Variants in PCDHGC4 observed in about 807,000 individuals in gnomAD.
PCDHGC4 encodes protocadherin gamma-C4.
Under a neutral mutation model 59.7 loss-of-function variants are expected in PCDHGC4, and 15 were observed. That is an observed-to-expected ratio of 0.25 (90% CI 0.17 to 0.39). The LOEUF is 0.39. PCDHGC4 is among the 10% of genes least tolerant of loss of function. The pLI, the probability that PCDHGC4 is intolerant of heterozygous loss-of-function variation, is 1.00. For synonymous variants in PCDHGC4, 434 were observed against 481.4 expected, an observed-to-expected ratio of 0.90 and a Z score of 1.29; for missense variants, 1,016 against 1,189.5, an observed-to-expected ratio of 0.85 and a Z score of 2.15.
Position 141,491,190 on chromosome 5 carries a change from C to A in PCDHGC4, c.2442+3575C>A, listed in dbSNP as rs759736855. On this transcript the variant is annotated intron_variant, in intron 1 of 3. Transcript: ENST00000306593. The surrounding 1 kb of genome is among the most constrained non-coding windows in gnomAD (Gnocchi z 6.9). ...AGCAGGTGGTGGTCCTGGTGAGGGA[C>A]AATGGTGACCCTTCACTCTCCTCCA... 1 of 1,614,192 alleles carries A rather than the reference C, an allele frequency of 6.2e-7. No homozygotes were observed. The highest frequency in any genetic ancestry group is 1.1e-5 in the South Asian group (1 of 91,082).
Position 141,487,413 on chromosome 5 carries a change from A to G in PCDHGC4, c.2240A>G (p.Asn747Ser), listed in dbSNP as rs1562119204. The G allele has an allele frequency of 1.2e-6, 2 of 1,614,172 alleles. No homozygotes were observed. The highest frequency in any genetic ancestry group is 2.2e-5 in the East Asian group (1 of 44,862). ...AGGAGGGAGGGGCTTCCCCCTTCCA[A>G]TGGGATCCTCCGAATCCAGCTAGGG... ...SRRREGLPPS[N>S]GILRIQLGSD... is the part of the protein sequence containing the mutation. Residue 747 changes from asparagine (N) to serine (S), a missense_variant, in exon 1 of 4, where the codon AAT (asparagine) becomes AGT (serine). Asn to Ser is a conservative substitution (Grantham distance 46). Coordinates refer to ENST00000306593, the MANE Select transcript of PCDHGC4 (RefSeq NM_018928.3). This position sits in a 1 kb window ranked among gnomAD's most constrained non-coding sequence, Gnocchi z 5.0.
Position 141,486,895 on chromosome 5 carries a change from C to T in PCDHGC4, c.1722C>T (p.Ser574=), listed in dbSNP as rs1286004461. ...TCCGTCCTCGGGCCCGGCCTGGTTC[C>T]TTATGTCCCCAAGCACTGCCTCCAT... ...AVLRPRARPG[S]LCPQALPPSV... Residue 574 remains serine (S), a synonymous_variant, in exon 1 of 4, where the codon TCC becomes TCT. Coordinates refer to ENST00000306593, the MANE Select transcript of PCDHGC4 (RefSeq NM_018928.3). This position sits in a 1 kb window ranked among gnomAD's most constrained non-coding sequence, Gnocchi z 5.0. 3 of 1,614,134 alleles carry T rather than the reference C, an allele frequency of 1.9e-6. No homozygotes were observed. The highest frequency in any genetic ancestry group is 3.3e-5 in the Admixed American group (2 of 60,012).
intron 3 of PCDHGC4, among the ~76,000 whole-genome samples, chr5:141,505,981 A>G (rs1285802357): frequency 6.6e-6 from 1 of 151,898 alleles, no homozygotes; most frequent in Non-Finnish European, 1.5e-5. Context: ...CCGAGAGAAC[A>G]CCTCCTCTTT....
In PCDHGC4 at chr5:141,491,272, A is replaced by G. The variant is rs2099710110; in HGVS notation, c.2443-3535A>G. On this transcript the variant is annotated intron_variant, in intron 1 of 3. Transcript: ENST00000306593. The surrounding 1 kb of genome is among the most constrained non-coding windows in gnomAD (Gnocchi z 6.9). The stretch of plus-strand genomic sequence containing the variant: ...GGACCCTGAGGAAATGCCCAAATCC[A>G]GTGACTTCCTCATACACCCTCCTGA... The G allele has an allele frequency of 1.2e-6, 2 of 1,614,084 alleles. No homozygotes were observed. Among genetic ancestry groups the G allele is most frequent in the Non-Finnish European group, 1.7e-6 (2 of 1,179,928 alleles).
intron 3 of PCDHGC4, among the ~76,000 whole-genome samples, chr5:141,508,957 C>T (rs1242113190): frequency 6.6e-6 from 1 of 151,976 alleles, no homozygotes; most frequent in Non-Finnish European, 1.5e-5. Context: ...GAAATGTCAG[C>T]GGAATGAAAG....
intron 2 of PCDHGC4, among the ~76,000 whole-genome samples, chr5:141,497,977 G>A (rs1368982839): frequency 6.6e-6 from 1 of 152,216 alleles, no homozygotes; most frequent in Admixed American, 6.5e-5. Context: ...CTCGATGTGG[G>A]AGGCCCCTGC....
intron 3 of PCDHGC4, among the ~76,000 whole-genome samples, chr5:141,507,777 CT>C (rs1213538221): frequency 6.6e-6 from 1 of 152,220 alleles, no homozygotes; most frequent in Admixed American, 6.5e-5. Context: ...CACACAGGGC[CT>C]GACCCTCGTC....
rs146919978 is a variant in PCDHGC4, at chr5:141,489,268, G to A, written c.2442+1653G>A. 1,443 of 1,553,166 alleles carry A rather than the reference G, an allele frequency of 9.3e-4. 2 individuals are homozygous for A. The highest frequency in any genetic ancestry group is 1.2e-3 in the Non-Finnish European group (1,381 of 1,149,786). On this transcript the variant is annotated intron_variant, in intron 1 of 3. Transcript: ENST00000306593. The surrounding 1 kb of genome is among the most constrained non-coding windows in gnomAD (Gnocchi z 4.5). ...GGGGCCCAAGACACTCCCACAGCTCGCTGGGAAATGGCAAGTGCTGTGCAT... is the reference window on the plus strand; with the variant it reads ...GGGGCCCAAGACACTCCCACAGCTCACTGGGAAATGGCAAGTGCTGTGCAT...
intron 2 of PCDHGC4, among the ~76,000 whole-genome samples, chr5:141,495,270 G>C (rs1428903664): frequency 1.3e-5 from 2 of 152,178 alleles, no homozygotes; most frequent in Non-Finnish European, 2.9e-5. Context: ...GCATTTGACC[G>C]GAGGAGGCGG....
At chr5:141,510,335 AC>A (rs1247622083) in intron 3 of PCDHGC4, among the ~76,000 whole-genome samples, 1 of 149,138 alleles carries the variant, frequency 6.7e-6, no homozygotes, top group African/African-American at 2.5e-5. Context: ...CTTCACCCCC[AC>A]CCCACACACT....
In PCDHGC4 at chr5:141,487,715, C is replaced by T. The variant is rs1209272301; in HGVS notation, c.2442+100C>T. 2.5e-6 allele frequency: 4 copies of T among 1,582,708 alleles called. No individual in the cohort carries two copies. The highest frequency in any genetic ancestry group is 1.8e-5 in the Admixed American group (1 of 54,696). The stretch of plus-strand genomic sequence containing the variant: ...GAGTACTGGCCTCTCAGTAAGTGCC[C>T]ATAGTGATGTCACCATTTTTGTAAG... On this transcript the variant is annotated intron_variant, in intron 1 of 3. Transcript: ENST00000306593. This position sits in a 1 kb window ranked among gnomAD's most constrained non-coding sequence, Gnocchi z 5.0.
At chr5:141,506,962 G>A (rs2099857578) in intron 3 of PCDHGC4, 1 of 152,196 alleles carries the variant, frequency 6.6e-6, no homozygotes, top group Non-Finnish European at 1.5e-5. Context: ...CCTCTCAATA[G>A]CTCTGCAAGG....
chr5:141,505,341 A>T, intron 2 of PCDHGC4, 52 bp from the exon 3 acceptor site: 1 of 1,612,728 alleles, frequency 6.2e-7, no homozygotes, highest in Non-Finnish European at 8.5e-7. Flanking sequence ...CAGGAGGGGC[A>T]TGAGCTGTGC....
In PCDHGC4 at chr5:141,485,974, A is replaced by G. The variant is rs755735500; in HGVS notation, c.801A>G (p.Ser267=). 1.9e-6 allele frequency: 3 copies of G among 1,614,108 alleles called. No homozygotes were observed. The highest frequency in any genetic ancestry group is 1.7e-5 in the Admixed American group (1 of 60,014). The change falls in exon 1 of 4, where the codon TCA becomes TCG. Residue 267 remains serine (S), a synonymous_variant. Coordinates refer to ENST00000306593, the MANE Select transcript of PCDHGC4 (RefSeq NM_018928.3). This position sits in a 1 kb window ranked among gnomAD's most constrained non-coding sequence, Gnocchi z 5.7. ...TGGTGCTCATCCAGCTCAATGCCTC[A>G]GACCCGGACCTGGGTCCCAGTGGTA... ...AGMVLIQLNA[S]DPDLGPSGNV...
intron 2 of PCDHGC4, among the ~76,000 whole-genome samples, chr5:141,504,354 G>C (rs1349256606): frequency 6.6e-6 from 1 of 152,100 alleles, no homozygotes; most frequent in Non-Finnish European, 1.5e-5. Flanking sequence ...TGTGCTAGGT[G>C]CTTCAGTAGG....
intron 2 of PCDHGC4, among the ~76,000 whole-genome samples, chr5:141,502,472 A>G (rs1450967250): frequency 1.3e-5 from 2 of 150,886 alleles, no homozygotes; most frequent in Non-Finnish European, 2.9e-5. Flanking sequence ...TACTTCCCGC[A>G]GCATCACACT....
rs2099883627 is a variant in PCDHGC4, at chr5:141,511,136, G to A, written c.2780G>A (p.Gly927Asp). 4.3e-6 allele frequency: 7 copies of A among 1,614,194 alleles called. No homozygotes were observed. The East Asian group carries it at 1.6e-4, about 36-fold the overall frequency. The change falls in exon 4 of 4, where the codon GGC (glycine) becomes GAC (aspartate). Residue 927 changes from glycine (G) to aspartate (D), a missense_variant. Physicochemically the swap from Gly to Asp is moderately conservative, Grantham distance 94. Coordinates refer to ENST00000306593, the MANE Select transcript of PCDHGC4 (RefSeq NM_018928.3). ...GGCAAGGCCCCAGCAGGTGGCAATG[G>A]CAACAAGAAGAAGTCGGGCAAGAAG... Reference protein sequence around the residue: ...RDGKAPAGGNGNKKKSGKKEK... With the variant: ...RDGKAPAGGNDNKKKSGKKEK...
intron 1 of PCDHGC4, among the ~76,000 whole-genome samples, chr5:141,494,146 T>C (rs1167835696): frequency 1.3e-5 from 2 of 152,168 alleles, no homozygotes; most frequent in Non-Finnish European, 2.9e-5. Context: ...TCACAGACCA[T>C]TGTCTGGCAC....
At chr5:141,508,576 C>A (rs1437398161) in intron 3 of PCDHGC4, among the ~76,000 whole-genome samples, 1 of 152,136 alleles carries the variant, frequency 6.6e-6, no homozygotes, top group African/African-American at 2.4e-5. Flanking sequence ...TGCACCCACT[C>A]GGGGTGCTAC....
Sources: gnomAD v4.1 joint callset for allele counts (sites outside exome capture counted in the v4.1 genomes callset) on GRCh38, gnomAD v4.1.1 for gene constraint, Gnocchi (gnomAD v3.1) non-coding constraint, MANE v1.5 for transcripts, NCBI Gene and HGNC (gene_info 2026-07-23, HGNC 2026-07-21) for gene names.